The following SOX5 variants were observed in gnomAD, a reference collection of about 807,000 sequenced individuals.
The protein encoded by SOX5 is transcription factor SOX-5.
SOX5 carries 9 observed loss-of-function variants against 92.0 expected under a neutral mutation model. The observed-to-expected ratio is 0.10, with a 90% CI of 0.06 to 0.17. The LOEUF is 0.17. Among genes scored for constraint, SOX5 ranks in the 10% least tolerant of loss-of-function variants. SOX5 has a pLI of 1.00. For missense variants in SOX5, 642 were observed against 944.5 expected (o/e 0.68, Z 4.20); for synonymous variants, 344 against 336.3 (o/e 1.02, Z -0.25).
intron 1 of SOX5, among the ~76,000 whole-genome samples, chr12:24,492,126 T>C (rs1470173849): frequency 6.6e-6 from 1 of 152,216 alleles, no homozygotes; most frequent in East Asian, 1.9e-4. Flanking sequence ...GAAGGAAGCA[T>C]GGCCATCTGT....
At chr12:24,111,653 G>A (rs1947359153) in intron 4 of SOX5, among the ~76,000 whole-genome samples, 1 of 151,902 alleles carries the variant, frequency 6.6e-6, no homozygotes, top group African/African-American at 2.4e-5. Context: ...TGTTCCTTAT[G>A]TATGAATCAC....
In SOX5 at chr12:24,267,463, C is replaced by T. The variant is rs542119118; in HGVS notation, c.-77+9753G>A. ...AATTATGAATTAGGGAATACTTTTA[C>T]ATTCATTTTAAAATTAATCTCAGCA... On this transcript the variant is annotated intron_variant, in intron 3 of 4. Coordinates refer to the SOX5 transcript ENST00000446891. Among the ~76,000 whole-genome samples the T allele has an allele frequency of 4.6e-5, 7 of 152,240 alleles. No individual in the cohort carries two copies. In the South Asian group the frequency reaches 1.5e-3, roughly 32 times the overall value.
chr12:23,674,828 A>T (rs1429517975), intron 6 of SOX5, among the ~76,000 whole-genome samples: 1 of 151,858 alleles, frequency 6.6e-6, no homozygotes, highest in Admixed American at 6.6e-5. Context: ...TAATATATAT[A>T]CTACTATATA....
chr12:24,331,848 C>CAAAAAAAAAAA (rs10627494), intron 2 of SOX5, among the ~76,000 whole-genome samples: 14 of 31,660 alleles, frequency 4.4e-4, no homozygotes, highest in African/African-American at 7.3e-4. Flanking sequence ...AAGACTGTCT[C>CAAAAAAAAAAA]AAAAAAAAAA....
chr12:24,240,293 C>T (rs1460447683), intron 3 of SOX5, among the ~76,000 whole-genome samples: 2 of 152,168 alleles, frequency 1.3e-5, no homozygotes, highest in African/African-American at 4.8e-5. Flanking sequence ...CCTCTCTACT[C>T]TGTCTGTTGT....
intron 5 of SOX5, among the ~76,000 whole-genome samples, chr12:23,737,913 G>T (rs577756379): frequency 1.5e-4 from 23 of 152,244 alleles, no homozygotes; most frequent in Non-Finnish European, 1.5e-5. Context: ...CATTTTAAAA[G>T]AACATATTCC....
intron 4 of SOX5, among the ~76,000 whole-genome samples, chr12:24,207,751 C>A (rs1958165268): frequency 6.6e-6 from 1 of 152,158 alleles, no homozygotes. Flanking sequence ...GCATTCAGCA[C>A]CCTCGTCTTG....
At chr12:23,745,598 C>A (rs2093955239) in intron 4 of SOX5, among the ~76,000 whole-genome samples, 1 of 152,180 alleles carries the variant, frequency 6.6e-6, no homozygotes, top group Non-Finnish European at 1.5e-5. Flanking sequence ...CCCACCACCA[C>A]CACCACTCTG....
intron 3 of SOX5, among the ~76,000 whole-genome samples, chr12:23,801,532 T>C (rs191594881): frequency 2.0e-5 from 3 of 152,324 alleles, no homozygotes; most frequent in East Asian, 1.9e-4. Context: ...TTTACGTACA[T>C]TTTGTGAGTA....
At chr12:24,083,277 C>A (rs978565273) in intron 4 of SOX5, among the ~76,000 whole-genome samples, 3 of 152,028 alleles carry the variant, frequency 2.0e-5, no homozygotes, top group Non-Finnish European at 4.4e-5. Flanking sequence ...GTAATAGTGA[C>A]TATTTCATCA....
At chr12:23,855,500 T>C (rs1290671766) in intron 2 of SOX5, among the ~76,000 whole-genome samples, 1 of 152,014 alleles carries the variant, frequency 6.6e-6, no homozygotes, top group Non-Finnish European at 1.5e-5. Flanking sequence ...GAGTAATGGA[T>C]TGTTTGTGAT....
intron 2 of SOX5, among the ~76,000 whole-genome samples, chr12:24,320,622 T>G (rs1433661018): frequency 6.6e-6 from 1 of 152,054 alleles, no homozygotes. Flanking sequence ...TACCAGCACT[T>G]TGGGAGGCCG....
intron 3 of SOX5, chr12:24,213,419 T>TAAAAAAAA (rs67296842): frequency 4.4e-4 from 43 of 96,768 alleles, no homozygotes; most frequent in Admixed American, 5.8e-4. Context: ...CTTGAAATGC[T>TAAAAAAAA]AAAAAAAAAA....
At chr12:24,353,288 C>T (rs1446616002) in intron 2 of SOX5, among the ~76,000 whole-genome samples, 1 of 152,128 alleles carries the variant, frequency 6.6e-6, no homozygotes, top group Non-Finnish European at 1.5e-5. Context: ...ACCCTTTACT[C>T]GAACAACTGG....
intron 2 of SOX5, among the ~76,000 whole-genome samples, chr12:24,299,231 T>C (rs947810319): frequency 1.3e-5 from 2 of 152,194 alleles, no homozygotes; most frequent in Non-Finnish European, 2.9e-5. Flanking sequence ...TTCTTTTCAA[T>C]GATTGCCCTG....
At chr12:23,615,988 C>A (rs527431120) in intron 8 of SOX5, among the ~76,000 whole-genome samples, 2 of 152,194 alleles carry the variant, frequency 1.3e-5, no homozygotes, top group East Asian at 3.9e-4. Flanking sequence ...TAGATAGTTA[C>A]CTCTCAAATG....
At chr12:24,444,536 G>A (rs1027923022) in intron 1 of SOX5, among the ~76,000 whole-genome samples, 9 of 152,204 alleles carry the variant, frequency 5.9e-5, no homozygotes, top group African/African-American at 1.9e-4. Flanking sequence ...GAATTCAACT[G>A]TAGGAGATGC....
intron 4 of SOX5, among the ~76,000 whole-genome samples, chr12:23,961,480 C>T (rs1343802425): frequency 6.6e-6 from 1 of 152,130 alleles, no homozygotes; most frequent in Non-Finnish European, 1.5e-5. Flanking sequence ...TGTTTCTTTC[C>T]AACAAGCTTT....
At chr12:24,413,804 C>T (rs1270202405) in intron 1 of SOX5, among the ~76,000 whole-genome samples, 5 of 152,070 alleles carry the variant, frequency 3.3e-5, no homozygotes, top group South Asian at 2.1e-4. Context: ...TTTCATCGTG[C>T]GTCAGTGATT....
Sources: allele counts gnomAD v4.1 joint callset (sites outside exome capture counted in the v4.1 genomes callset), GRCh38; gene constraint gnomAD v4.1.1; transcripts MANE v1.5; gene names NCBI Gene and HGNC (gene_info 2026-07-23, HGNC 2026-07-21).